Variants in LPAR1 observed in about 807,000 individuals in gnomAD.
LPAR1 encodes lysophosphatidic acid receptor 1.
Under a neutral mutation model 23.8 loss-of-function variants are expected in LPAR1, and 5 were observed. The ratio of observed to expected loss-of-function variants is 0.21; its 90% CI spans 0.11 to 0.44. The LOEUF is 0.44. LPAR1 is among the 20% of genes least tolerant of loss of function. The pLI is 0.99. For synonymous variants in LPAR1, 160 were observed against 164.7 expected, an observed-to-expected ratio of 0.97 and a Z score of 0.22; for missense variants, 311 against 482.8, an observed-to-expected ratio of 0.64 and a Z score of 3.33.
At chr9:110,939,362 T>G (rs941435216) in intron 5 of LPAR1, among the ~76,000 whole-genome samples, 4 of 152,240 alleles carry the variant, frequency 2.6e-5, no homozygotes, top group Non-Finnish European at 4.4e-5. Flanking sequence ...ATTACAATCT[T>G]ATTCCCATCT....
chr9:110,904,340 A>G (rs1290559338), intron 5 of LPAR1, among the ~76,000 whole-genome samples: 3 of 152,178 alleles, frequency 2.0e-5, no homozygotes, highest in African/African-American at 7.2e-5. Flanking sequence ...ATAATATTTA[A>G]AAGTGGGAAA....
At chr9:110,988,840 T>G (rs376892673) in intron 2 of LPAR1, among the ~76,000 whole-genome samples, 1 of 152,236 alleles carries the variant, frequency 6.6e-6, no homozygotes, top group African/African-American at 2.4e-5. Flanking sequence ...CCAAGAATAT[T>G]CATAGAAGCA....
chr9:110,880,123 T>C (rs1226988093), intron 5 of LPAR1, among the ~76,000 whole-genome samples: 1 of 152,210 alleles, frequency 6.6e-6, no homozygotes, highest in African/African-American at 2.4e-5. Context: ...GATTTGCCAA[T>C]ATTACAAGTA....
chr9:110,952,955 G>T (rs2095617403), intron 4 of LPAR1, among the ~76,000 whole-genome samples: 1 of 152,120 alleles, frequency 6.6e-6, no homozygotes, highest in Non-Finnish European at 1.5e-5. Context: ...GGGATCTCAG[G>T]ATGGGCTCAC....
intron 5 of LPAR1, among the ~76,000 whole-genome samples, chr9:110,897,180 A>G (rs1342745502): frequency 6.6e-6 from 1 of 152,176 alleles, no homozygotes; most frequent in East Asian, 1.9e-4. Flanking sequence ...TGCAGCTCCC[A>G]TAATTCCCAT....
chr9:110,932,782 G>T (rs1250766397), intron 5 of LPAR1, among the ~76,000 whole-genome samples: 1 of 152,192 alleles, frequency 6.6e-6, no homozygotes, highest in Non-Finnish European at 1.5e-5. Flanking sequence ...ACTAATGCCT[G>T]ATGATCTAAG....
At chr9:110,980,751 A>C (rs1484669559) in intron 2 of LPAR1, among the ~76,000 whole-genome samples, 1 of 151,982 alleles carries the variant, frequency 6.6e-6, no homozygotes, top group Non-Finnish European at 1.5e-5. Flanking sequence ...AATTTATTGT[A>C]TTTTTTCAAA....
chr9:111,030,358 C>T (rs776080297), intron 2 of LPAR1, among the ~76,000 whole-genome samples: 1 of 152,086 alleles, frequency 6.6e-6, no homozygotes, highest in African/African-American at 2.4e-5. Context: ...GCAAAGCATC[C>T]CCTTAACAAA....
intron 3 of LPAR1, among the ~76,000 whole-genome samples, chr9:110,973,139 G>C (rs1372662169): frequency 6.6e-6 from 1 of 152,094 alleles, no homozygotes; most frequent in Non-Finnish European, 1.5e-5. Flanking sequence ...TACAACTTGT[G>C]AATTGTTTGT....
Position 110,971,017 on chromosome 9 carries a change from C to G in LPAR1, c.45+1056G>C, listed in dbSNP as rs149914096. ...GGGCGTGGTGGCGGGCGCCTGTAAT[C>G]TCAGCTACTCAGGAAGCTGAGACAG... is the stretch of plus-strand genomic sequence containing the variant. On this transcript the variant is annotated intron_variant, in intron 4 of 5. Coordinates refer to ENST00000683809, the MANE Select transcript of LPAR1 (RefSeq NM_001351411.2). Among the ~76,000 whole-genome samples the G allele has an allele frequency of 3.6e-3, 544 of 152,274 alleles. 5 individuals carry two copies. The highest frequency in any genetic ancestry group is 0.014 in the Middle Eastern group (4 of 294).
intron 5 of LPAR1, among the ~76,000 whole-genome samples, chr9:110,879,647 T>C (rs2080176493): frequency 6.6e-6 from 1 of 152,172 alleles, no homozygotes. Flanking sequence ...CACTATGGGA[T>C]TGTAATCTCA....
At chr9:111,031,985 A>G (rs2097803173) in intron 2 of LPAR1, among the ~76,000 whole-genome samples, 1 of 152,228 alleles carries the variant, frequency 6.6e-6, no homozygotes, top group Non-Finnish European at 1.5e-5. Context: ...TACTAATGTC[A>G]TATGATAGAG....
At position 110,875,659 on chromosome 9, in the gene LPAR1, T is replaced by G. The variant is rs753785201; in HGVS notation, c.857A>C (p.Gln286Pro). The G allele has an allele frequency of 1.2e-6, 2 of 1,614,030 alleles. No individual in the cohort carries two copies. Among genetic ancestry groups the G allele is most frequent in the Non-Finnish European group, 8.5e-7 (1 of 1,179,956 alleles). The change falls in exon 6 of 6, where the codon CAG becomes CCG. Residue 286 changes from glutamine (Q) to proline (P), a missense_variant. Gln to Pro is a moderately conservative substitution (Grantham distance 76). This residue lies in a region of LPAR1 where 250 missense variants were observed against 427.2 expected (regional missense o/e 0.59). Coordinates refer to ENST00000683809, the MANE Select transcript of LPAR1 (RefSeq NM_001351411.2). Reference sequence around the variant, plus strand: ...TTTCTCATAGGCCAGCACGTCGCACTGTGGACAGCACACGTCTAGAAGTAA... The same window carrying G: ...TTTCTCATAGGCCAGCACGTCGCACGGTGGACAGCACACGTCTAGAAGTAA... ...VLLLLDVCCP[Q>P]CDVLAYEKFF...
chr9:111,006,504 G>A (rs2097220248), intron 2 of LPAR1, among the ~76,000 whole-genome samples: 1 of 152,024 alleles, frequency 6.6e-6, no homozygotes, highest in Non-Finnish European at 1.5e-5. Context: ...CATTGCCTGT[G>A]CAAACATCTA....
At chr9:111,002,581 G>A (rs1462743631) in intron 2 of LPAR1, among the ~76,000 whole-genome samples, 1 of 152,188 alleles carries the variant, frequency 6.6e-6, no homozygotes, top group East Asian at 1.9e-4. Flanking sequence ...GTCCCAGAAT[G>A]TAAACTAATA....
At position 110,919,940 on chromosome 9, in the gene LPAR1, G is replaced by A. The variant is rs113104636; in HGVS notation, c.793+21481C>T. 4.4e-3 allele frequency among the ~76,000 whole-genome samples: 668 copies of A among 152,288 alleles called. 4 individuals are homozygous for A. The highest frequency in any genetic ancestry group is 0.015 in the African/African-American group (640 of 41,552). ...ACCCCAAAGCTGCACATCTATGTAC[G>A]TAGTTGTTCTCCCTTCACCTACTTG... is the stretch of plus-strand genomic sequence containing the variant. On this transcript the variant is annotated intron_variant, in intron 5 of 5. Coordinates refer to ENST00000683809, the MANE Select transcript of LPAR1 (RefSeq NM_001351411.2).
chr9:110,876,621 T>G (rs2079162673), intron 5 of LPAR1, among the ~76,000 whole-genome samples: 1 of 152,208 alleles, frequency 6.6e-6, no homozygotes, highest in South Asian at 2.1e-4. Context: ...CCTCCAGAGT[T>G]CAAGCTCTAG....
intron 5 of LPAR1, among the ~76,000 whole-genome samples, chr9:110,899,866 A>G (rs2088036032): frequency 1.3e-5 from 2 of 151,956 alleles, no homozygotes; most frequent in South Asian, 4.1e-4. Context: ...ATTTAGCAGC[A>G]CCCCTGGCTT....
At chr9:111,024,768 T>G (rs1390749588) in intron 2 of LPAR1, among the ~76,000 whole-genome samples, 1 of 151,952 alleles carries the variant, frequency 6.6e-6, no homozygotes, top group Admixed American at 6.6e-5. Context: ...TTCTCATTGT[T>G]CAACTCCCAC....
Sources: allele counts gnomAD v4.1 joint callset (sites outside exome capture counted in the v4.1 genomes callset), GRCh38; gene constraint gnomAD v4.1.1; regional missense constraint gnomAD v4.1.1; transcripts MANE v1.5; gene names NCBI Gene and HGNC (gene_info 2026-07-23, HGNC 2026-07-21).